Variants in MYOM2 observed in about 807,000 individuals in gnomAD.
MYOM2 encodes myomesin-2.
Under a neutral mutation model 187.6 loss-of-function variants are expected in MYOM2, and 254 were observed. The observed-to-expected ratio is 1.35, with a 90% CI of 1.22 to 1.50. The LOEUF (loss-of-function observed/expected upper bound fraction) is 1.50. Ranked by LOEUF, MYOM2 falls within the 40% of genes most tolerant of loss-of-function variation. The pLI, the probability that MYOM2 is intolerant of heterozygous loss-of-function variation, is 0.00. For missense variants in MYOM2, 2,796 were observed against 1,924.0 expected (o/e 1.45, Z -8.48); for synonymous variants, 981 against 753.8 (o/e 1.30, Z -4.94).
intron 1 of MYOM2, among the ~76,000 whole-genome samples, chr8:2,047,045 C>T (rs1156857999): frequency 6.6e-6 from 1 of 152,168 alleles, no homozygotes; most frequent in East Asian, 1.9e-4. Flanking sequence ...ATTTGAGTTG[C>T]TCAACCAGTA....
chr8:2,071,614 G>A (rs1819221362), intron 8 of MYOM2, among the ~76,000 whole-genome samples: 1 of 152,180 alleles, frequency 6.6e-6, no homozygotes, highest in South Asian at 2.1e-4. Context: ...CACACGATCA[G>A]GTTCTCAGCC....
chr8:2,135,156 C>T (rs1219572302), intron 32 of MYOM2, among the ~76,000 whole-genome samples: 1 of 152,096 alleles, frequency 6.6e-6, no homozygotes, highest in African/African-American at 2.4e-5. Context: ...GTTTTGTTTT[C>T]AGTCCTAGTA....
At chr8:2,121,398 G>A (rs1797451114) in intron 28 of MYOM2, among the ~76,000 whole-genome samples, 1 of 152,218 alleles carries the variant, frequency 6.6e-6, no homozygotes, top group South Asian at 2.1e-4. Flanking sequence ...TCATCTTAGT[G>A]GGATAGAACC....
intron 32 of MYOM2, among the ~76,000 whole-genome samples, chr8:2,134,044 A>AACATCTT (rs1797970069): frequency 1.3e-5 from 2 of 151,336 alleles, no homozygotes; most frequent in South Asian, 2.1e-4. Context: ...CCCTGAGGTT[A>AACATCTT]GTGTATTGTG....
At chr8:2,103,544 T>G (rs1796788975) in intron 21 of MYOM2, among the ~76,000 whole-genome samples, 1 of 151,010 alleles carries the variant, frequency 6.6e-6, no homozygotes, top group African/African-American at 2.4e-5. Flanking sequence ...TGTGTATGTA[T>G]GGATGGGTGT....
intron 19 of MYOM2, among the ~76,000 whole-genome samples, chr8:2,099,327 C>G: frequency 6.6e-6 from 1 of 152,160 alleles, no homozygotes; most frequent in East Asian, 1.9e-4. Context: ...GGTCACCTAC[C>G]CCAAAGGAGC....
intron 6 of MYOM2, among the ~76,000 whole-genome samples, chr8:2,064,544 TGCGGGAGGCCAA>T (rs1372407240): frequency 6.6e-6 from 1 of 152,146 alleles, no homozygotes; most frequent in Non-Finnish European, 1.5e-5. Flanking sequence ...TTGCAGTCGC[TGCGGGAGGCCAA>T]GCGGATGGAG....
In MYOM2 at chr8:2,077,444, G is replaced by A. The variant is rs151318621; in HGVS notation, c.1262+1162G>A. The stretch of plus-strand genomic sequence containing the variant: ...GTGATTATCTTAGGAAAAAATGAGG[G>A]AATTGGCTTTTGTTTGTTTGTTTGT... On this transcript the variant is annotated intron_variant, in intron 11 of 36. Coordinates refer to ENST00000262113, the MANE Select transcript of MYOM2 (RefSeq NM_003970.4). Among the ~76,000 whole-genome samples the A allele has an allele frequency of 2.6e-3, 391 of 152,198 alleles. 1 individual carries two copies. Among genetic ancestry groups the A allele is most frequent in the African/African-American group, 8.7e-3 (361 of 41,528 alleles).
At position 2,076,285 on chromosome 8, in the gene MYOM2, G is replaced by A. The variant is rs1309623402; in HGVS notation, c.1262+3G>A. On this transcript the variant is annotated splice_donor_region_variant and intron_variant, in intron 11 of 36. Coordinates refer to ENST00000262113, the MANE Select transcript of MYOM2 (RefSeq NM_003970.4). ...GTCATGGGCTATTTTGTGGACCGGT[G>A]AGCGTCTTGCATTCTCCCGGGGATG... 4 of 1,613,256 alleles carry A rather than the reference G, an allele frequency of 2.5e-6. No individual in the cohort carries two copies. Among genetic ancestry groups the A allele is most frequent in the Admixed American group, 3.3e-5 (2 of 59,908 alleles).
At chr8:2,091,660 T>C (rs925097455) in intron 15 of MYOM2, among the ~76,000 whole-genome samples, 8 of 152,346 alleles carry the variant, frequency 5.3e-5, no homozygotes, top group Admixed American at 5.2e-4. Context: ...TCTATCTGGC[T>C]CTGGTTTTAA....
At chr8:2,121,334 A>C (rs3779828) in intron 28 of MYOM2, among the ~76,000 whole-genome samples, 76,247 of 151,748 alleles carry the variant, frequency 0.5, 19,551 homozygotes, top group Non-Finnish European at 0.56. Flanking sequence ...GTGTGTGTGC[A>C]CTCCCAAGGC....
At chr8:2,075,165 C>A (rs1168655520) in intron 10 of MYOM2, among the ~76,000 whole-genome samples, 1 of 152,202 alleles carries the variant, frequency 6.6e-6, no homozygotes, top group East Asian at 1.9e-4. Flanking sequence ...CTCCTCACTT[C>A]CCACACGATA....
At chr8:2,142,320 G>A (rs139014653) in intron 34 of MYOM2, 55 bp from the exon 35 acceptor site, 30 of 1,565,344 alleles carry the variant, frequency 1.9e-5, no homozygotes, top group Non-Finnish European at 2.5e-5. Flanking sequence ...TTTGTTGGAA[G>A]CATTTTCTCA....
At chr8:2,070,890 G>A (rs1002197632) in intron 8 of MYOM2, among the ~76,000 whole-genome samples, 46 of 152,166 alleles carry the variant, frequency 3.0e-4, no homozygotes, top group African/African-American at 1.1e-3. Context: ...CAGAGATGAT[G>A]GAAGCAGCCA....
intron 31 of MYOM2, among the ~76,000 whole-genome samples, chr8:2,125,085 GT>G (rs975356229): frequency 3.3e-5 from 5 of 152,150 alleles, no homozygotes; most frequent in African/African-American, 1.2e-4. Context: ...AAGCTTTTTA[GT>G]TTTGTGCAGT....
rs748581972 is a variant in MYOM2 at position 2,057,338 on chromosome 8, G to A, written c.264-10G>A. On this transcript the variant is annotated splice_polypyrimidine_tract_variant and intron_variant, in intron 3 of 36. Coordinates refer to ENST00000262113, the MANE Select transcript of MYOM2 (RefSeq NM_003970.4). Reference sequence around the variant, plus strand: ...CTCCTGCAACTGAGGCTGCTTCTCGGCTCCTGCAGGTACCAGTCCCTGGTG... The same window carrying A: ...CTCCTGCAACTGAGGCTGCTTCTCGACTCCTGCAGGTACCAGTCCCTGGTG... The A allele has an allele frequency of 6.3e-7, 1 of 1,593,124 alleles. No homozygotes were observed. Among genetic ancestry groups the A allele is most frequent in the Non-Finnish European group, 8.5e-7 (1 of 1,169,788 alleles).
intron 31 of MYOM2, among the ~76,000 whole-genome samples, chr8:2,127,536 C>CT (rs1797691048): frequency 6.6e-6 from 1 of 152,240 alleles, no homozygotes; most frequent in Non-Finnish European, 1.5e-5. Flanking sequence ...TTGCAGTGGA[C>CT]TAGCGGGGTT....
chr8:2,092,115 T>C (rs918258612), intron 15 of MYOM2, among the ~76,000 whole-genome samples: 9 of 152,164 alleles, frequency 5.9e-5, no homozygotes, highest in Admixed American at 5.9e-4. Context: ...TCATCCTGTG[T>C]CTCTAGGAGT....
At chr8:2,083,904 G>C (rs778280263) in intron 13 of MYOM2, among the ~76,000 whole-genome samples, 1 of 152,174 alleles carries the variant, frequency 6.6e-6, no homozygotes, top group Non-Finnish European at 1.5e-5. Flanking sequence ...CACTTTCTCG[G>C]GGCCTTTTGC....
Sources: allele counts gnomAD v4.1 joint callset (sites outside exome capture counted in the v4.1 genomes callset), GRCh38; gene constraint gnomAD v4.1.1; transcripts MANE v1.5; gene names NCBI Gene and HGNC (gene_info 2026-07-23, HGNC 2026-07-21).